The following LAMB1 variants were observed in gnomAD, a reference collection of about 807,000 sequenced individuals.
The protein encoded by LAMB1 is laminin subunit beta 1.
Under a neutral mutation model 222.3 loss-of-function variants are expected in LAMB1, and 121 were observed. The ratio of observed to expected loss-of-function variants is 0.54; its 90% CI spans 0.47 to 0.63. The LOEUF (loss-of-function observed/expected upper bound fraction) is 0.63. Among genes scored for constraint, LAMB1 ranks in the 30% least tolerant of loss-of-function variants. The pLI is 0.00. For missense variants in LAMB1, 2,172 were observed against 2,240.8 expected, an observed-to-expected ratio of 0.97 and a Z score of 0.62; for synonymous variants, 794 against 807.2, an observed-to-expected ratio of 0.98 and a Z score of 0.28.
chr7:107,988,809 C>T (rs888782146), intron 5 of LAMB1, among the ~76,000 whole-genome samples: 1 of 152,146 alleles, frequency 6.6e-6, no homozygotes, highest in African/African-American at 2.4e-5. Context: ...ACAGCCATCC[C>T]GAACCAAGGA....
At position 107,938,074 on chromosome 7, in the gene LAMB1, G is replaced by A. The variant is rs1250564895; in HGVS notation, c.3762-797C>T. Among the ~76,000 whole-genome samples the A allele has an allele frequency of 2.6e-5, 4 of 152,150 alleles. No individual in the cohort carries two copies. The East Asian group carries it at 7.7e-4, about 29-fold the overall frequency. Reference sequence around the variant, plus strand: ...GGGTTGTATGTGTATTGTAAAGAAAGTAATATTTGAGCAGATTTTACCTCT... The same window carrying A: ...GGGTTGTATGTGTATTGTAAAGAAAATAATATTTGAGCAGATTTTACCTCT... On this transcript the variant is annotated intron_variant, in intron 25 of 33. Transcript: ENST00000222399.
chr7:107,971,749 G>T (rs2033753003), intron 13 of LAMB1, among the ~76,000 whole-genome samples: 1 of 152,208 alleles, frequency 6.6e-6, no homozygotes, highest in Admixed American at 6.5e-5. Flanking sequence ...GCAGGCTAGG[G>T]CCTGTGCGTG....
rs1563002416 is a variant in LAMB1, at chr7:107,980,694, A to G, written c.794T>C (p.Met265Thr). ...REKYYYAVYD[M>T]VVRGNCFCYG... is the part of the protein sequence containing the mutation. The stretch of plus-strand genomic sequence containing the variant: ...GCAGAAGCAATTTCCTCGAACCACC[A>G]TATCATAAACTGCATAATAATACTT... The change falls in exon 8 of 34, where the codon ATG becomes ACG. Residue 265 changes from methionine to threonine, a missense_variant. By Grantham distance (81) the Met-to-Thr change is moderately conservative (BLOSUM62 -1). Transcript: ENST00000222399. 1.2e-6 allele frequency: 2 copies of G among 1,613,988 alleles called. No homozygotes were observed. The highest frequency in any genetic ancestry group is 1.7e-6 in the Non-Finnish European group (2 of 1,179,886).
intron 13 of LAMB1, among the ~76,000 whole-genome samples, chr7:107,970,437 A>G (rs1297327859): frequency 7.0e-6 from 1 of 142,680 alleles, no homozygotes; most frequent in Non-Finnish European, 1.5e-5. Context: ...GCAGTGAGCC[A>G]AGATCAATGC....
chr7:107,939,158 A>G (rs10271464), intron 25 of LAMB1, among the ~76,000 whole-genome samples: 92,444 of 151,908 alleles, frequency 0.61, 28,336 homozygotes, highest in East Asian at 0.85. Flanking sequence ...ACCCTTTTCT[A>G]TTTTTGTCCT....
chr7:107,962,802 C>A (rs1307350762), intron 15 of LAMB1, 103 bp downstream of exon 15: 24 of 910,232 alleles, frequency 2.6e-5, no homozygotes, highest in Non-Finnish European at 3.8e-5. Context: ...TGTTCTAATG[C>A]AACCTCCATA....
chr7:107,963,577 T>C (rs900688835), intron 14 of LAMB1, among the ~76,000 whole-genome samples: 2 of 152,234 alleles, frequency 1.3e-5, no homozygotes, highest in African/African-American at 4.8e-5. Context: ...TACCTGTGGT[T>C]GGTCATATCC....
Position 107,990,728 on chromosome 7 carries a change from T to C in LAMB1, c.423+4159A>G, listed in dbSNP as rs188755845. ...TTTAAAGTATCCAAATGACTGCCCT[T>C]AGAAAACAGGGGCACCTCATCTTGG... is the stretch of plus-strand genomic sequence containing the variant. On this transcript the variant is annotated intron_variant, in intron 5 of 33. Coordinates refer to ENST00000222399, the MANE Select transcript of LAMB1 (RefSeq NM_002291.3). Among the ~76,000 whole-genome samples, 6 of 152,340 alleles carry C rather than the reference T, an allele frequency of 3.9e-5. No individual in the cohort carries two copies. The East Asian group carries it at 5.8e-4, about 15-fold the overall frequency.
chr7:107,963,131 G>A, intron 14 of LAMB1, 68 bp from the exon 15 acceptor site: 1 of 1,384,688 alleles, frequency 7.2e-7, no homozygotes, highest in Non-Finnish European at 9.8e-7. Flanking sequence ...AATAGTCAAA[G>A]TAATCCGAAG....
chr7:107,968,021 TG>T (rs2033669035), intron 13 of LAMB1, among the ~76,000 whole-genome samples: 1 of 152,092 alleles, frequency 6.6e-6, no homozygotes. Flanking sequence ...AAGAGGGTGA[TG>T]GGGGAATGTG....
chr7:107,943,932 T>C (rs1317686963), intron 24 of LAMB1, among the ~76,000 whole-genome samples: 2 of 152,134 alleles, frequency 1.3e-5, no homozygotes, highest in Non-Finnish European at 2.9e-5. Flanking sequence ...GATGCACAAA[T>C]CTCAGGACTT....
rs781212991 is a variant in LAMB1, at chr7:107,975,068, G to A, written c.1400C>T (p.Pro467Leu). 2 of 1,612,758 alleles carry A rather than the reference G, an allele frequency of 1.2e-6. No individual in the cohort carries two copies. The highest frequency in any genetic ancestry group is 3.3e-5 in the Admixed American group (2 of 60,012). Residue 467 changes from proline to leucine, a missense_variant, in exon 12 of 34, where the codon CCT (proline) becomes CTT (leucine). Pro to Leu is a moderately conservative substitution (Grantham distance 98). Coordinates refer to ENST00000222399, the MANE Select transcript of LAMB1 (RefSeq NM_002291.3). ...CTCGGAATCACAAGGATTCCCTCCA[G>A]GAATTGTTCCCAGAGGATTGCAAGC... ...SCACNPLGTI[P>L]GGNPCDSETG...
At chr7:107,990,027 G>GGC (rs1554412852) in intron 5 of LAMB1, among the ~76,000 whole-genome samples, 1,972 of 54,774 alleles carry the variant, frequency 0.036, 51 homozygotes, top group African/African-American at 0.085. Context: ...AGTTTTTTGT[G>GGC]TTTTTTTTTG....
chr7:107,928,643 C>G (rs564045728), intron 31 of LAMB1, among the ~76,000 whole-genome samples: 8 of 152,136 alleles, frequency 5.3e-5, no homozygotes, highest in East Asian at 1.9e-4. Flanking sequence ...CAGGCACACA[C>G]CACTATGCCC....
chr7:107,983,053 T>G (rs1176384914), intron 7 of LAMB1, among the ~76,000 whole-genome samples: 1 of 152,202 alleles, frequency 6.6e-6, no homozygotes, highest in African/African-American at 2.4e-5. Context: ...TAACTGCATT[T>G]TGAGACATGC....
At chr7:107,962,396 G>T (rs1205123977) in intron 15 of LAMB1, among the ~76,000 whole-genome samples, 1 of 152,074 alleles carries the variant, frequency 6.6e-6, no homozygotes, top group Admixed American at 6.5e-5. Flanking sequence ...AGATCACTAC[G>T]TTTGAGAAAC....
chr7:107,936,138 CATT>C (rs1191464688), intron 26 of LAMB1: 1 of 153,658 alleles, frequency 6.5e-6, no homozygotes, highest in East Asian at 1.9e-4. Context: ...TTTTTCTTGC[CATT>C]ATTTCCTAAA....
chr7:107,954,545 T>C (rs1456753249), intron 21 of LAMB1, among the ~76,000 whole-genome samples: 2 of 151,834 alleles, frequency 1.3e-5, no homozygotes, highest in African/African-American at 4.8e-5. Context: ...GAGGCCGAGG[T>C]GGGTGGATCA....
Position 107,975,395 on chromosome 7 carries a change from G to A in LAMB1, c.1208C>T (p.Ala403Val). The change falls in exon 11 of 34, where the codon GCT (alanine) becomes GTT (valine). Residue 403 changes from alanine to valine, a missense_variant. Physicochemically the swap from Ala to Val is moderately conservative, Grantham distance 64 (BLOSUM62 0). Transcript: ENST00000222399. ...NFCERCTCDP[A>V]GSQNEGICDS... ...ACAAATTCCCTCATTTTGAGAGCCA[G>A]CTGGGTCACACGTACATCCTGAGAA... The A allele has an allele frequency of 1.2e-6, 2 of 1,612,948 alleles. No individual in the cohort carries two copies. Among genetic ancestry groups the A allele is most frequent in the Non-Finnish European group, 1.7e-6 (2 of 1,179,594 alleles).
Sources: gnomAD v4.1 joint callset for allele counts (sites outside exome capture counted in the v4.1 genomes callset) on GRCh38, gnomAD v4.1.1 for gene constraint, MANE v1.5 for transcripts, NCBI Gene and HGNC (gene_info 2026-07-23, HGNC 2026-07-21) for gene names.